Variants in CDH8 observed in about 807,000 individuals in gnomAD.
CDH8 encodes cadherin-8.
Under a neutral mutation model 68.1 loss-of-function variants are expected in CDH8, and 17 were observed. The ratio of observed to expected loss-of-function variants is 0.25; its 90% CI spans 0.17 to 0.37. The LOEUF (loss-of-function observed/expected upper bound fraction) is 0.37, where lower values mean the gene tolerates loss of function less well. Ranked by LOEUF, CDH8 falls within the 10% of genes least tolerant of loss-of-function variation. The pLI is 1.00. For missense variants in CDH8, 763 were observed against 999.3 expected (o/e 0.76, Z 3.19); for synonymous variants, 372 against 365.1 (o/e 1.02, Z -0.21).
chr16:61,655,376 T>C lies in CDH8; in HGVS notation c.1906+94A>G, dbSNP rs1288351887. ...AAGTTCCTCTTCCCCAACGGAATGC[T>C]CTTGCCTGTGTAGATCAGAGTTTTC... On this transcript the variant is annotated intron_variant, in intron 11 of 11. Coordinates refer to ENST00000577390, the MANE Select transcript of CDH8 (RefSeq NM_001796.5). 6 of 1,263,422 alleles carry C rather than the reference T, an allele frequency of 4.7e-6. No individual in the cohort carries two copies. In the African/African-American group the frequency reaches 6.0e-5, roughly 13 times the overall value. 78.3% of individuals were successfully genotyped at this position (1,263,422 alleles called of 1,614,324 possible). A position where few individuals can be genotyped will look rare whatever the true frequency, so the allele number is the denominator to read the frequency against.
chr16:61,942,288 T>C (rs900772230), intron 2 of CDH8, among the ~76,000 whole-genome samples: 1 of 151,932 alleles, frequency 6.6e-6, no homozygotes, highest in Non-Finnish European at 1.5e-5. Context: ...TGCCCAGGAG[T>C]TTGATACCAG....
At chr16:61,861,883 C>T (rs1963156613) in intron 3 of CDH8, among the ~76,000 whole-genome samples, 1 of 152,142 alleles carries the variant, frequency 6.6e-6, no homozygotes, top group Admixed American at 6.6e-5. Context: ...TACGAGCTTA[C>T]TGTCACTATT....
chr16:61,986,606 A>T (rs146673440), intron 2 of CDH8, among the ~76,000 whole-genome samples: 1 of 152,210 alleles, frequency 6.6e-6, no homozygotes, highest in Non-Finnish European at 1.5e-5. Flanking sequence ...CTGAGCAAGA[A>T]CTGGAGATAT....
intron 2 of CDH8, among the ~76,000 whole-genome samples, chr16:61,977,763 T>C (rs1017721207): frequency 2.6e-5 from 4 of 152,162 alleles, no homozygotes; most frequent in South Asian, 2.1e-4. Context: ...GCTTCTAATA[T>C]TGGATAAACG....
At chr16:61,977,320 A>C (rs1393174399) in intron 2 of CDH8, among the ~76,000 whole-genome samples, 1 of 152,170 alleles carries the variant, frequency 6.6e-6, no homozygotes, top group Non-Finnish European at 1.5e-5. Flanking sequence ...GAAGTCTTGT[A>C]TTACAAATCT....
At chr16:61,742,493 A>G (rs1197139900) in intron 8 of CDH8, among the ~76,000 whole-genome samples, 1 of 152,124 alleles carries the variant, frequency 6.6e-6, no homozygotes, top group African/African-American at 2.4e-5. Context: ...CTTTGTAGCT[A>G]TGTTTTATCA....
At chr16:61,773,206 T>G (rs1301466036) in intron 8 of CDH8, among the ~76,000 whole-genome samples, 1 of 152,182 alleles carries the variant, frequency 6.6e-6, no homozygotes, top group East Asian at 1.9e-4. Flanking sequence ...TTCACAATCC[T>G]GATGAAAACT....
chr16:61,839,565 T>C (rs1962641142), intron 4 of CDH8, among the ~76,000 whole-genome samples: 1 of 152,052 alleles, frequency 6.6e-6, no homozygotes, highest in African/African-American at 2.4e-5. Context: ...TTCATAATGG[T>C]TTTTCATACT....
rs1224707376 is a variant in CDH8 at position 61,874,373 on chromosome 16, C to A, written c.548-17135G>T. ...TTGAGATGGAGTCTCGCTCTATCAC[C>A]CAGGTTGGAGTGCAGTGGTGTGATC... On this transcript the variant is annotated intron_variant, in intron 3 of 11. Transcript: ENST00000577390. Among the ~76,000 whole-genome samples, 6 of 151,724 alleles carry A rather than the reference C, an allele frequency of 4.0e-5. No individual in the cohort carries two copies. The East Asian group carries it at 1.2e-3, about 30-fold the overall frequency.
In CDH8 at chr16:61,923,421, A is replaced by G. The variant is rs1400824038; in HGVS notation, c.253-21948T>C. Among the ~76,000 whole-genome samples, 7 of 152,202 alleles carry G rather than the reference A, an allele frequency of 4.6e-5. No individual in the cohort carries two copies. In the South Asian group the frequency reaches 1.4e-3, roughly 31 times the overall value. On this transcript the variant is annotated intron_variant, in intron 2 of 11. Transcript: ENST00000577390. ...TCACTGATAACTTTTGCCATTAATA[A>G]CCAATACAAGTAGCAGCATAACGTT... is the stretch of plus-strand genomic sequence containing the variant.
chr16:62,012,328 G>A (rs1901833404), intron 2 of CDH8, among the ~76,000 whole-genome samples: 1 of 152,086 alleles, frequency 6.6e-6, no homozygotes, highest in Non-Finnish European at 1.5e-5. Context: ...TTAATATCTG[G>A]TCTATTCCAT....
intron 10 of CDH8, among the ~76,000 whole-genome samples, chr16:61,661,236 G>A (rs1252429618): frequency 6.6e-6 from 1 of 151,912 alleles, no homozygotes; most frequent in Non-Finnish European, 1.5e-5. Flanking sequence ...TAGAAGACTT[G>A]AAAAACAATA....
intron 3 of CDH8, among the ~76,000 whole-genome samples, chr16:61,874,734 A>C (rs1963430976): frequency 1.3e-5 from 2 of 152,178 alleles, no homozygotes; most frequent in African/African-American, 4.8e-5. Context: ...CACTCAATCC[A>C]AAAAAGTGGT....
intron 7 of CDH8, among the ~76,000 whole-genome samples, chr16:61,813,155 C>T (rs1961990599): frequency 6.6e-6 from 1 of 152,116 alleles, no homozygotes; most frequent in Non-Finnish European, 1.5e-5. Context: ...TATTTTTCTT[C>T]TTTCCTGATA....
At position 61,674,084 on chromosome 16, in the gene CDH8, C is replaced by A. The variant is rs112804734; in HGVS notation, c.1655-18363G>T. ...GGTTTGACTATGTAAAGCAGAAAGA[C>A]CTCACCTAATACATAAGTCATTCAG... On this transcript the variant is annotated intron_variant, in intron 10 of 11. Coordinates refer to ENST00000577390, the MANE Select transcript of CDH8 (RefSeq NM_001796.5). 7.1e-4 allele frequency among the ~76,000 whole-genome samples: 108 copies of A among 152,138 alleles called. 2 individuals are homozygous for A. Among genetic ancestry groups the A allele is most frequent in the African/African-American group, 2.5e-3 (103 of 41,506 alleles).
chr16:61,767,408 A>ACTT (rs747789939), intron 8 of CDH8, among the ~76,000 whole-genome samples: 4 of 151,986 alleles, frequency 2.6e-5, no homozygotes, highest in African/African-American at 4.8e-5. Context: ...CAGCTGTCTG[A>ACTT]GTTCTGGCTA....
intron 2 of CDH8, among the ~76,000 whole-genome samples, chr16:61,988,940 A>G (rs1965671815): frequency 6.6e-6 from 1 of 152,190 alleles, no homozygotes; most frequent in Non-Finnish European, 1.5e-5. Context: ...TTTCACTCCA[A>G]AAGGAACTGG....
chr16:61,683,862 G>C (rs1964055999), intron 10 of CDH8, among the ~76,000 whole-genome samples: 1 of 151,956 alleles, frequency 6.6e-6, no homozygotes, highest in African/African-American at 2.4e-5. Flanking sequence ...CCCATGTTTG[G>C]TATTTCTAGA....
chr16:61,806,516 C>G (rs1294738502), intron 7 of CDH8, among the ~76,000 whole-genome samples: 2 of 123,920 alleles, frequency 1.6e-5, no homozygotes, highest in Non-Finnish European at 3.3e-5. Context: ...AAAGAAACTA[C>G]CATCAGAGTG....
Sources: allele counts gnomAD v4.1 joint callset (sites outside exome capture counted in the v4.1 genomes callset), GRCh38; gene constraint gnomAD v4.1.1; transcripts MANE v1.5; gene names NCBI Gene and HGNC (gene_info 2026-07-23, HGNC 2026-07-21).